Variants in MUL1 observed in about 807,000 individuals in gnomAD.
MUL1 encodes the protein mitochondrial ubiquitin ligase activator of NFKB 1.
Under a neutral mutation model 34.1 loss-of-function variants are expected in MUL1, and 30 were observed. The observed-to-expected ratio is 0.88, with a 90% CI of 0.66 to 1.19. The LOEUF (loss-of-function observed/expected upper bound fraction) is 1.19. MUL1 is among the 50% of genes most tolerant of loss of function. The pLI is 0.00. For synonymous variants in MUL1, 191 were observed against 187.8 expected, an observed-to-expected ratio of 1.02 and a Z score of -0.14; for missense variants, 419 against 450.5, an observed-to-expected ratio of 0.93 and a Z score of 0.63.
At chr1:20,506,317 T>G (rs1393913811) in intron 1 of MUL1, among the ~76,000 whole-genome samples, 3 of 152,150 alleles carry the variant, frequency 2.0e-5, no homozygotes, top group African/African-American at 7.2e-5. Flanking sequence ...CCAAGTACTG[T>G]GTTAGAAGCT....
intron 1 of MUL1, among the ~76,000 whole-genome samples, chr1:20,504,161 C>T (rs2051690921): frequency 6.6e-6 from 1 of 152,122 alleles, no homozygotes; most frequent in African/African-American, 2.4e-5. Context: ...TGAGCCACCG[C>T]ACCCAGTCTG....
In MUL1 at chr1:20,501,159, CCT is replaced by C; in HGVS notation, c.588_589del (p.Val198TrpfsTer85). The C allele has an allele frequency of 6.2e-7, 1 of 1,614,050 alleles. No individual in the cohort carries two copies. The highest frequency in any genetic ancestry group is 8.5e-7 in the Non-Finnish European group (1 of 1,179,942). ...GTTGTCCAGGACCAGTTCGCCAACC[CCT>C]GTGAGGGTGGCCCCCACCTTCAGCA... On this transcript the variant is annotated frameshift_variant, in exon 4 of 4. Transcript: ENST00000264198. LOFTEE classifies it high-confidence loss of function. This position sits in a 1 kb window ranked among gnomAD's most constrained non-coding sequence, Gnocchi z 4.2.
In MUL1 at chr1:20,501,666, AC is replaced by A. The variant is rs1414321120; in HGVS notation, c.330-248del. 6.6e-6 allele frequency among the ~76,000 whole-genome samples: 1 copy of A among 152,190 alleles called. No homozygotes were observed. The highest frequency in any genetic ancestry group is 1.5e-5 in the Non-Finnish European group (1 of 68,026). ...TTCCACTGTAAAACAAACATCTAAA[AC>A]AAAACTCACTAGGACCAGTTGGAAA... On this transcript the variant is annotated intron_variant, in intron 3 of 3. Coordinates refer to ENST00000264198, the MANE Select transcript of MUL1 (RefSeq NM_024544.3). This position sits in a 1 kb window ranked among gnomAD's most constrained non-coding sequence, Gnocchi z 4.2.
In MUL1 at chr1:20,507,816, G is replaced by A; in HGVS notation, c.120+89C>T. On this transcript the variant is annotated intron_variant, in intron 1 of 3. Coordinates refer to ENST00000264198, the MANE Select transcript of MUL1 (RefSeq NM_024544.3). ...CTGTTTCCTTTTTTGGACAGTTTCC[G>A]ACGGTGGGGCGGCCAAGGTGAATCA... 3 of 1,504,970 alleles carry A rather than the reference G, an allele frequency of 2.0e-6. No homozygotes were observed. The South Asian group carries it at 3.8e-5, about 19-fold the overall frequency. The allele number at this position is 1,504,970 out of a possible 1,614,324, so 93.2% of individuals were successfully genotyped here.
chr1:20,508,057 G>A lies in MUL1; in HGVS notation c.-33C>T, dbSNP rs368523041. The stretch of plus-strand genomic sequence containing the variant: ...GCGAGCCCCGGTGGCCGACTGTGGC[G>A]CCAAGGATAGGCCTGGTGACCCCCG... On this transcript the variant is annotated 5_prime_UTR_variant, in exon 1 of 4. Transcript: ENST00000264198. 1.1e-5 allele frequency: 18 copies of A among 1,569,848 alleles called. No individual in the cohort carries two copies. Among genetic ancestry groups the A allele is most frequent in the Middle Eastern group, 2.1e-4 (1 of 4,794 alleles).
At chr1:20,502,321 G>A in intron 2 of MUL1, 132 bp from the exon 3 acceptor site, 7 of 1,237,330 alleles carry the variant, frequency 5.7e-6, no homozygotes, top group Non-Finnish European at 7.9e-6. Context: ...AGCCAAGTCA[G>A]AAGGATCACT....
chr1:20,503,481 G>A (rs1450196071), intron 1 of MUL1, among the ~76,000 whole-genome samples, 172 bp from the exon 2 acceptor site: 1 of 152,178 alleles, frequency 6.6e-6, no homozygotes, highest in Non-Finnish European at 1.5e-5. Flanking sequence ...TACATCAACA[G>A]GAATGGAGCC....
At chr1:20,502,334 G>A (rs2051670352) in intron 2 of MUL1, 145 bp from the exon 3 acceptor site, 3 of 1,095,742 alleles carry the variant, frequency 2.7e-6, no homozygotes, top group Non-Finnish European at 2.6e-6. Context: ...GGATCACTTG[G>A]GGCCACGAGT....
In MUL1 at chr1:20,508,062, G is replaced by T; in HGVS notation, c.-38C>A. 12 of 1,566,860 alleles carry T rather than the reference G, an allele frequency of 7.7e-6. No individual in the cohort carries two copies. Among genetic ancestry groups the T allele is most frequent in the Non-Finnish European group, 1.0e-5 (12 of 1,157,286 alleles). On this transcript the variant is annotated 5_prime_UTR_variant, in exon 1 of 4. Coordinates refer to ENST00000264198, the MANE Select transcript of MUL1 (RefSeq NM_024544.3). Reference sequence around the variant, plus strand: ...CCCCGGTGGCCGACTGTGGCGCCAAGGATAGGCCTGGTGACCCCCGACTCT... The same window carrying T: ...CCCCGGTGGCCGACTGTGGCGCCAATGATAGGCCTGGTGACCCCCGACTCT...
At position 20,505,327 on chromosome 1, in the gene MUL1, G is replaced by A. The variant is rs111334441; in HGVS notation, c.121-2018C>T. On this transcript the variant is annotated intron_variant, in intron 1 of 3. Coordinates refer to ENST00000264198, the MANE Select transcript of MUL1 (RefSeq NM_024544.3). ...AGGACAGGCATGGTAGCTCACACCT[G>A]TAATCCCAGCACTTTGGGAGTCCAA... is the stretch of plus-strand genomic sequence containing the variant. Among the ~76,000 whole-genome samples, 360 of 152,260 alleles carry A rather than the reference G, an allele frequency of 2.4e-3. 2 individuals are homozygous for A. The highest frequency in any genetic ancestry group is 8.1e-3 in the African/African-American group (335 of 41,568).
chr1:20,505,582 CAAAAAAAAAAAAAA>C (rs11338654), intron 1 of MUL1, among the ~76,000 whole-genome samples: 5 of 57,170 alleles, frequency 8.7e-5, no homozygotes, highest in African/African-American at 3.1e-4. Flanking sequence ...GACCATGTCT[CAAAAAAAAAAAAAA>C]AAAAAAAAAA....
rs41265059 is a variant in MUL1 at position 20,500,049 on chromosome 1, G to A, written c.*641C>T. ...TCTTCAATCTGTTGCCCGGGGCCCC[G>A]ACCATCTGGGCAGAAGCGGATGTGC... On this transcript the variant is annotated 3_prime_UTR_variant, in exon 4 of 4. Transcript: ENST00000264198. 0.022 allele frequency: 3,396 copies of A among 152,298 alleles called. 60 individuals carry two copies. Among genetic ancestry groups the A allele is most frequent in the Non-Finnish European group, 0.033 (2,244 of 68,068 alleles). 9.4% of individuals were successfully genotyped at this position (152,298 alleles called of 1,614,324 possible). A position where few individuals can be genotyped will look rare whatever the true frequency, so the allele number is the denominator to read the frequency against.
rs1254050190 is a variant in MUL1, at chr1:20,501,038, G to A, written c.711C>T (p.Val237=). Residue 237 remains valine, a synonymous_variant, in exon 4 of 4, where the codon GTC becomes GTT. Coordinates refer to ENST00000264198, the MANE Select transcript of MUL1 (RefSeq NM_024544.3). This position sits in a 1 kb window ranked among gnomAD's most constrained non-coding sequence, Gnocchi z 4.2. ...DSLLQRQESS[V]RLWKVLALVF... ...CCAGCGCCAGCACCTTCCAGAGCCT[G>A]ACGCTCGACTCCTGCCTCTGCAGCA... The A allele has an allele frequency of 6.2e-7, 1 of 1,613,996 alleles. No individual in the cohort carries two copies. Among genetic ancestry groups the A allele is most frequent in the East Asian group, 2.2e-5 (1 of 44,894 alleles).
Position 20,501,130 on chromosome 1 carries a change from A to G in MUL1, c.619T>C (p.Ser207Pro), listed in dbSNP as rs1557515101. The G allele has an allele frequency of 6.2e-7, 1 of 1,614,082 alleles. No homozygotes were observed. Among genetic ancestry groups the G allele is most frequent in the Non-Finnish European group, 8.5e-7 (1 of 1,180,006 alleles). ...TGTTTGGGCGGCTGCAGGCGGACAG[A>G]GTTGTTGTCCAGGACCAGTTCGCCA... Reference protein sequence around the residue: ...GVGELVLDNNSVRLQPPKQGM... With the variant: ...GVGELVLDNNPVRLQPPKQGM... Residue 207 changes from serine (S) to proline (P), a missense_variant, in exon 4 of 4, where the codon TCT becomes CCT. Physicochemically the swap from Ser to Pro is moderately conservative, Grantham distance 74 (BLOSUM62 -1). Coordinates refer to ENST00000264198, the MANE Select transcript of MUL1 (RefSeq NM_024544.3). This position sits in a 1 kb window ranked among gnomAD's most constrained non-coding sequence, Gnocchi z 4.2.
chr1:20,505,258 C>A (rs1432080837), intron 1 of MUL1, among the ~76,000 whole-genome samples: 1 of 152,104 alleles, frequency 6.6e-6, no homozygotes, highest in African/African-American at 2.4e-5. Context: ...AGGACACAAG[C>A]CCCTCTCTGG....
chr1:20,504,816 G>A (rs902459766), intron 1 of MUL1, among the ~76,000 whole-genome samples: 3 of 152,120 alleles, frequency 2.0e-5, no homozygotes, highest in Non-Finnish European at 4.4e-5. Context: ...TATGTACCAG[G>A]CAATATGCTA....
At chr1:20,503,194 T>A (rs1327965653) in intron 2 of MUL1, 28 bp downstream of exon 2, 1 of 1,480,770 alleles carries the variant, frequency 6.8e-7, no homozygotes, top group Admixed American at 2.1e-5. Flanking sequence ...AAAGACGTTG[T>A]TTTCCATTGA....
Position 20,500,608 on chromosome 1 carries a change from G to C in MUL1, c.*82C>G. 1.3e-6 allele frequency: 2 copies of C among 1,493,070 alleles called. No homozygotes were observed. The highest frequency in any genetic ancestry group is 2.7e-5 in the South Asian group (2 of 73,414). 92.5% of individuals were successfully genotyped at this position (1,493,070 alleles called of 1,614,324 possible). A position where few individuals can be genotyped will look rare whatever the true frequency, so the allele number is the denominator to read the frequency against. On this transcript the variant is annotated 3_prime_UTR_variant, in exon 4 of 4. Coordinates refer to ENST00000264198, the MANE Select transcript of MUL1 (RefSeq NM_024544.3). ...GGAGGTGACAGCTACCCCCACCACT[G>C]CTCCTCCAAAGGCCTCGAGATAAAA...
chr1:20,506,390 CCAGT>C (rs1037156553), intron 1 of MUL1, among the ~76,000 whole-genome samples: 1 of 152,124 alleles, frequency 6.6e-6, no homozygotes, highest in Non-Finnish European at 1.5e-5. Context: ...TCTCTCTGGA[CCAGT>C]CAGATAGTCA....
Sources: gnomAD v4.1 joint callset for allele counts (sites outside exome capture counted in the v4.1 genomes callset) on GRCh38, gnomAD v4.1.1 for gene constraint, Gnocchi (gnomAD v3.1) non-coding constraint, MANE v1.5 for transcripts, NCBI Gene and HGNC (gene_info 2026-07-23, HGNC 2026-07-21) for gene names.